The following ANKRD11 variants were observed in gnomAD, a reference collection of about 807,000 sequenced individuals.
ANKRD11 encodes ankyrin repeat domain 11, also known as ankyrin repeat domain-containing protein 11.
In ANKRD11, 17 loss-of-function variants were observed where a neutral mutation model predicts 195.7. That is an observed-to-expected ratio of 0.09 (90% CI 0.06 to 0.13). ANKRD11 has a LOEUF of 0.13. Ranked by LOEUF, ANKRD11 falls within the 10% of genes least tolerant of loss-of-function variation. The pLI, the probability that ANKRD11 is intolerant of heterozygous loss-of-function variation, is 1.00. For synonymous variants in ANKRD11, 1,953 were observed against 1,528.1 expected (o/e 1.28, Z -6.49); for missense variants, 3,735 against 3,566.1 (o/e 1.05, Z -1.21).
chr16:89,301,451 C>T (rs1170109741), intron 4 of ANKRD11: 6 of 397,292 alleles, frequency 1.5e-5, no homozygotes, highest in South Asian at 1.4e-4. Context: ...CAAGAGGCCC[C>T]GGGCAGACAG....
At chr16:89,290,894 G>A (rs1242438899) in intron 5 of ANKRD11, 66 bp from the exon 6 acceptor site, 1 of 1,609,780 alleles carries the variant, frequency 6.2e-7, no homozygotes, top group African/African-American at 1.3e-5. Flanking sequence ...CAATCTTCAA[G>A]AGCCCAGGCC....
At chr16:89,313,609 GATAAC>G (rs1471063765) in intron 3 of ANKRD11, 2 of 1,288,044 alleles carry the variant, frequency 1.6e-6, no homozygotes, top group South Asian at 1.2e-5. Context: ...TATTGTTTTT[GATAAC>G]ATAAAGCTAT....
intron 3 of ANKRD11, chr16:89,313,582 G>C (rs1023530040): frequency 7.8e-7 from 1 of 1,288,884 alleles, no homozygotes; most frequent in Non-Finnish European, 1.0e-6. Context: ...CGATTCTTTT[G>C]GAAAAATCTA....
intron 1 of ANKRD11, among the ~76,000 whole-genome samples, chr16:89,429,970 G>T: frequency 9.3e-6 from 1 of 107,060 alleles, no homozygotes. Context: ...ACACAGCAGG[G>T]ATTCTCAACT....
At chr16:89,426,568 A>ACAG (rs1320103877) in intron 1 of ANKRD11, among the ~76,000 whole-genome samples, 2 of 81,620 alleles carry the variant, frequency 2.5e-5, no homozygotes, top group African/African-American at 4.2e-5. Context: ...CACACACACA[A>ACAG]ATCTGAAATC....
chr16:89,290,108 A>C (rs974716996), intron 6 of ANKRD11, among the ~76,000 whole-genome samples: 1 of 152,272 alleles, frequency 6.6e-6, no homozygotes, highest in Non-Finnish European at 1.5e-5. Flanking sequence ...TCTTCTCAGC[A>C]ACAGGGAACC....
intron 6 of ANKRD11, chr16:89,289,108 T>G (rs2034854272): frequency 3.8e-6 from 1 of 262,486 alleles, no homozygotes; most frequent in Non-Finnish European, 7.5e-6. Context: ...CAGCAGGAGC[T>G]CCAGGGGCGC....
At chr16:89,297,098 G>A (rs1431906533) in intron 4 of ANKRD11, among the ~76,000 whole-genome samples, 2 of 152,354 alleles carry the variant, frequency 1.3e-5, no homozygotes, top group East Asian at 3.9e-4. Flanking sequence ...GAGACCCTGA[G>A]GTTGGGCCCC....
At chr16:89,358,464 T>G (rs1223656961) in intron 2 of ANKRD11, among the ~76,000 whole-genome samples, 1 of 152,240 alleles carries the variant, frequency 6.6e-6, no homozygotes. Flanking sequence ...GTAACTGGAT[T>G]GTTTACAACA....
intron 7 of ANKRD11, chr16:89,287,207 G>T: frequency 1.2e-6 from 1 of 830,350 alleles, no homozygotes; most frequent in Non-Finnish European, 1.7e-6. Context: ...CTCCTCTAAG[G>T]CCAGCAGCGC....
chr16:89,402,136 G>A (rs2041718641), intron 2 of ANKRD11, among the ~76,000 whole-genome samples: 1 of 152,160 alleles, frequency 6.6e-6, no homozygotes, highest in Non-Finnish European at 1.5e-5. Context: ...TTTTCCATAA[G>A]GCACTGAATC....
At chr16:89,386,122 TAA>T (rs2040899590) in intron 2 of ANKRD11, among the ~76,000 whole-genome samples, 1 of 152,218 alleles carries the variant, frequency 6.6e-6, no homozygotes, top group Admixed American at 6.5e-5. Flanking sequence ...CGTTTTTAAG[TAA>T]AGTCATTACA....
intron 12 of ANKRD11, among the ~76,000 whole-genome samples, chr16:89,269,426 A>AGGAT (rs762879416): frequency 2.6e-5 from 4 of 152,164 alleles, no homozygotes; most frequent in Non-Finnish European, 4.4e-5. Flanking sequence ...TTCGAAGCTC[A>AGGAT]GGATGGATTC....
intron 1 of ANKRD11, among the ~76,000 whole-genome samples, chr16:89,457,163 T>C (rs905754202): frequency 6.7e-6 from 1 of 150,130 alleles, no homozygotes; most frequent in Non-Finnish European, 1.5e-5. Context: ...GTTTCACCGT[T>C]TTAGCCGGGA....
intron 1 of ANKRD11, among the ~76,000 whole-genome samples, chr16:89,486,406 C>T (rs937372312): frequency 3.8e-4 from 57 of 151,392 alleles, no homozygotes; most frequent in African/African-American, 1.2e-3. Context: ...ACGCAACTGG[C>T]CGCTGCCCTC....
intron 1 of ANKRD11, among the ~76,000 whole-genome samples, chr16:89,478,542 T>C (rs1207832067): frequency 1.3e-5 from 2 of 152,126 alleles, no homozygotes; most frequent in Admixed American, 6.6e-5. Flanking sequence ...AAAAGCAACC[T>C]GGACATCCTG....
At chr16:89,292,959 G>A (rs1196062689) in intron 4 of ANKRD11, among the ~76,000 whole-genome samples, 4 of 152,142 alleles carry the variant, frequency 2.6e-5, no homozygotes, top group African/African-American at 7.2e-5. Context: ...GCAGGCCTGC[G>A]GCTGCCTCCC....
At position 89,286,167 on chromosome 16, in the gene ANKRD11, CGCA is replaced by C; in HGVS notation, c.761_763del (p.Leu254del). 1 of 1,613,818 alleles carries C rather than the reference CGCA, an allele frequency of 6.2e-7. No homozygotes were observed. The highest frequency in any genetic ancestry group is 8.5e-7 in the Non-Finnish European group (1 of 1,180,030). ...GCTCTGCTGCGGGTTCCCTCCGTAC[CGCA>C]GCAGCAGCTTCACCACCTACAAGAC... On this transcript the variant is annotated inframe_deletion, in exon 8 of 13. Coordinates refer to ENST00000301030, the MANE Select transcript of ANKRD11 (RefSeq NM_013275.6).
At chr16:89,416,615 A>C (rs929024000) in intron 2 of ANKRD11, among the ~76,000 whole-genome samples, 1 of 151,700 alleles carries the variant, frequency 6.6e-6, no homozygotes, top group Admixed American at 6.6e-5. Context: ...GCTGATTAAT[A>C]ATTTTATTTT....
Sources: gnomAD v4.1 joint callset for allele counts (sites outside exome capture counted in the v4.1 genomes callset) on GRCh38, gnomAD v4.1.1 for gene constraint, MANE v1.5 for transcripts, NCBI Gene and HGNC (gene_info 2026-07-23, HGNC 2026-07-21) for gene names.